PVT1: variants seen among roughly 807,000 people sequenced by gnomAD.
PVT1 encodes the protein Pvt1 oncogene, also known as CXCR4/PVT1 fusion.
chr8:128,081,954 A>G (rs1465827117), intron 5 of PVT1, among the ~76,000 whole-genome samples: 2 of 152,148 alleles, frequency 1.3e-5, no homozygotes, highest in Non-Finnish European at 2.9e-5. Context: ...TGTAATTAGT[A>G]TTGTATTGAA....
chr8:127,917,258 T>C (rs1815996488), intron 3 of PVT1, among the ~76,000 whole-genome samples: 1 of 152,148 alleles, frequency 6.6e-6, no homozygotes. Flanking sequence ...GACCAGGCCT[T>C]GTGTTAAGTC....
At chr8:128,023,632 T>C (rs1172677534) in intron 4 of PVT1, among the ~76,000 whole-genome samples, 7 of 152,244 alleles carry the variant, frequency 4.6e-5, no homozygotes, top group Non-Finnish European at 1.5e-5. Context: ...TATGTAACTC[T>C]TTTGCACCTG....
At chr8:127,801,140 GAGC>G (rs1158184531) in intron 2 of PVT1, among the ~76,000 whole-genome samples, 4 of 152,222 alleles carry the variant, frequency 2.6e-5, no homozygotes, top group Non-Finnish European at 4.4e-5. Flanking sequence ...AGGAGAACCC[GAGC>G]AGCATGCAGT....
At chr8:128,029,260 C>A (rs1422109752) in intron 4 of PVT1, among the ~76,000 whole-genome samples, 2 of 151,432 alleles carry the variant, frequency 1.3e-5, no homozygotes, top group African/African-American at 4.9e-5. Flanking sequence ...GTAGCTGGGA[C>A]CACAGGTGCA....
At chr8:127,895,297 C>A (rs1046245661) in intron 3 of PVT1, among the ~76,000 whole-genome samples, 10 of 152,090 alleles carry the variant, frequency 6.6e-5, no homozygotes, top group Non-Finnish European at 1.3e-4. Context: ...ATAGCGAAAC[C>A]CCATCACTAC....
chr8:127,842,297 C>G (rs1733943736), intron 2 of PVT1, among the ~76,000 whole-genome samples: 1 of 150,812 alleles, frequency 6.6e-6, no homozygotes, highest in Non-Finnish European at 1.5e-5. Context: ...CTCCATCACC[C>G]AGGCTGGAGT....
intron 2 of PVT1, among the ~76,000 whole-genome samples, chr8:127,825,557 CA>C (rs1814777907): frequency 6.6e-6 from 1 of 152,148 alleles, no homozygotes; most frequent in South Asian, 2.1e-4. Flanking sequence ...CTTTGAAGGG[CA>C]CACAGTAGAT....
intron 3 of PVT1, chr8:127,932,813 C>A: frequency 3.6e-6 from 1 of 275,534 alleles, no homozygotes; most frequent in Non-Finnish European, 6.7e-6. Flanking sequence ...AACACACACA[C>A]ACGTACATGC....
Position 128,086,129 on chromosome 8 carries a change from C to T in PVT1, n.1115-10389C>T, listed in dbSNP as rs562394343. 2.0e-5 allele frequency among the ~76,000 whole-genome samples: 3 copies of T among 152,352 alleles called. No individual in the cohort carries two copies. The South Asian group carries it at 6.2e-4, about 32-fold the overall frequency. On this transcript the variant is annotated intron_variant and non_coding_transcript_variant, in intron 5 of 10. Coordinates refer to ENST00000651587, the Ensembl canonical transcript of PVT1. ...CTGTGAGTCGATAAGTTGTTTTCAG[C>T]AGTAACTCATCCCTAGTAATAGTAA...
At chr8:127,951,189 C>T (rs534736864) in intron 3 of PVT1, among the ~76,000 whole-genome samples, 1 of 152,242 alleles carries the variant, frequency 6.6e-6, no homozygotes, top group African/African-American at 2.4e-5. Context: ...AGCCACCATA[C>T]CCTGTGCCCC....
At chr8:128,002,877 T>C (rs1248602321) in intron 4 of PVT1, among the ~76,000 whole-genome samples, 2 of 152,156 alleles carry the variant, frequency 1.3e-5, no homozygotes, top group African/African-American at 4.8e-5. Context: ...TTTCTCTTCT[T>C]TTTTTTCCTT....
At chr8:127,980,893 G>A (rs1586465517) in intron 3 of PVT1, among the ~76,000 whole-genome samples, 2 of 150,440 alleles carry the variant, frequency 1.3e-5, no homozygotes, top group African/African-American at 2.4e-5. Context: ...CACCCCCTGG[G>A]TTCAAGTGAT....
intron 3 of PVT1, among the ~76,000 whole-genome samples, chr8:127,982,021 ACTTC>A (rs1186388787): frequency 1.3e-5 from 2 of 152,124 alleles, no homozygotes; most frequent in African/African-American, 4.8e-5. Context: ...CTGGCGCTAG[ACTTC>A]CTTCCTTCAC....
At chr8:127,890,627 C>G (rs977389302) in exon 3 of PVT1, 4 of 152,246 alleles carry the variant, frequency 2.6e-5, no homozygotes, top group African/African-American at 9.7e-5. Flanking sequence ...AAAAGATGCC[C>G]CTCAAGATGG....
intron 5 of PVT1, among the ~76,000 whole-genome samples, chr8:128,089,997 A>G (rs527269970): frequency 1.3e-3 from 194 of 152,378 alleles, no homozygotes; most frequent in Middle Eastern, 3.4e-3. Flanking sequence ...TTTAAAATGC[A>G]TATAACAAAA....
intron 4 of PVT1, among the ~76,000 whole-genome samples, chr8:128,005,367 CCTGT>C (rs1286086316): frequency 2.0e-5 from 3 of 152,178 alleles, no homozygotes; most frequent in Non-Finnish European, 4.4e-5. Context: ...ATTGGACACC[CCTGT>C]CTTAGACTTT....
intron 4 of PVT1, among the ~76,000 whole-genome samples, chr8:128,047,834 C>T (rs1028211160): frequency 6.6e-6 from 1 of 152,120 alleles, no homozygotes; most frequent in Non-Finnish European, 1.5e-5. Context: ...ACAATGTATA[C>T]ATCATTCAAA....
rs1471119952 is a variant in PVT1 at position 127,968,467 on chromosome 8, G to A, written n.783-20695G>A. Among the ~76,000 whole-genome samples, 53 of 152,218 alleles carry A rather than the reference G, an allele frequency of 3.5e-4. 1 individual carries two copies. The highest frequency in any genetic ancestry group is 1.5e-5 in the Non-Finnish European group (1 of 68,010). On this transcript the variant is annotated intron_variant and non_coding_transcript_variant, in intron 3 of 10. Coordinates refer to ENST00000651587, the Ensembl canonical transcript of PVT1. ...ACTGACGTGGATGCAGAACGTAAGTGCTCTTGGAGATGAGGTCAGCACATG... is the reference window on the plus strand; with the variant it reads ...ACTGACGTGGATGCAGAACGTAAGTACTCTTGGAGATGAGGTCAGCACATG...
At position 127,885,660 on chromosome 8, in the gene PVT1, C is replaced by T. The variant is rs545729427; in HGVS notation, n.373-4929C>T. ...GAGTTCAACGTATGAATTTAGGGGTCGGGGGTGTAGGTAACAAACATTCAA... is the reference window on the plus strand; with the variant it reads ...GAGTTCAACGTATGAATTTAGGGGTTGGGGGTGTAGGTAACAAACATTCAA... On this transcript the variant is annotated intron_variant and non_coding_transcript_variant, in intron 2 of 10. Transcript: ENST00000651587. Among the ~76,000 whole-genome samples the T allele has an allele frequency of 4.6e-5, 7 of 152,138 alleles. No homozygotes were observed. The East Asian group carries it at 5.8e-4, about 13-fold the overall frequency.
Sources: gnomAD v4.1 joint callset for allele counts (sites outside exome capture counted in the v4.1 genomes callset) on GRCh38, gnomAD v4.1.1 for gene constraint, MANE v1.5 for transcripts, NCBI Gene and HGNC (gene_info 2026-07-23, HGNC 2026-07-21) for gene names.